The following SOBP variants were observed in gnomAD, a reference collection of about 807,000 sequenced individuals.
SOBP encodes sine oculis binding protein homolog.
SOBP carries 4 observed loss-of-function variants against 53.6 expected under a neutral mutation model. The observed-to-expected ratio is 0.07, with a 90% CI of 0.04 to 0.17. SOBP has a LOEUF of 0.17. Among genes scored for constraint, SOBP ranks in the 10% least tolerant of loss-of-function variants. SOBP has a pLI of 1.00. For synonymous variants in SOBP, 584 were observed against 522.6 expected (o/e 1.12, Z -1.60); for missense variants, 1,088 against 1,204.7 (o/e 0.90, Z 1.43).
rs115194587 is a variant in SOBP at position 107,590,190 on chromosome 6, G to A, written c.669+3015G>A. ...GAGCTCACTGTTTCTCCTCAGCCAC[G>A]ACTTTCTCAATTTTTGAAAGCCCAC... On this transcript the variant is annotated intron_variant, in intron 5 of 6. Coordinates refer to ENST00000317357, the MANE Select transcript of SOBP (RefSeq NM_018013.4). Among the ~76,000 whole-genome samples, 275 of 152,262 alleles carry A rather than the reference G, an allele frequency of 1.8e-3. 2 individuals are homozygous for A. Among genetic ancestry groups the A allele is most frequent in the African/African-American group, 6.1e-3 (252 of 41,540 alleles).
At chr6:107,650,419 G>A (rs1469894232) in intron 6 of SOBP, among the ~76,000 whole-genome samples, 1 of 152,200 alleles carries the variant, frequency 6.6e-6, no homozygotes, top group Non-Finnish European at 1.5e-5. Flanking sequence ...TGTACAAATG[G>A]AAGGTTTGTG....
At chr6:107,508,435 C>T (rs1485271241) in intron 3 of SOBP, among the ~76,000 whole-genome samples, 7 of 151,954 alleles carry the variant, frequency 4.6e-5, no homozygotes, top group East Asian at 1.9e-4. Flanking sequence ...AAAAATTAGC[C>T]AGGCGTGTTG....
intron 4 of SOBP, among the ~76,000 whole-genome samples, chr6:107,563,818 G>T (rs920333186): frequency 6.6e-6 from 1 of 152,152 alleles, no homozygotes; most frequent in African/African-American, 2.4e-5. Flanking sequence ...TGAATGTAGC[G>T]CTTCAAGAAA....
chr6:107,578,623 T>C (rs1785311201), intron 4 of SOBP, among the ~76,000 whole-genome samples: 1 of 152,230 alleles, frequency 6.6e-6, no homozygotes, highest in East Asian at 1.9e-4. Context: ...CCTTGATATA[T>C]GTATGAGTGT....
intron 4 of SOBP, among the ~76,000 whole-genome samples, chr6:107,570,917 T>C (rs920839207): frequency 1.3e-5 from 2 of 152,232 alleles, no homozygotes; most frequent in Non-Finnish European, 2.9e-5. Context: ...AAAATGCAAT[T>C]TTTGTGCTTA....
intron 5 of SOBP, among the ~76,000 whole-genome samples, chr6:107,597,062 A>G (rs1433279303): frequency 6.6e-6 from 1 of 152,058 alleles, no homozygotes; most frequent in Non-Finnish European, 1.5e-5. Flanking sequence ...CCTGATTTTG[A>G]TATTGGAGCA....
chr6:107,532,241 T>TCTCACACA (rs373567492), intron 3 of SOBP, among the ~76,000 whole-genome samples: 47,086 of 139,324 alleles, frequency 0.34, 9,761 homozygotes, highest in Middle Eastern at 0.51. Context: ...TCTCTCTCTC[T>TCTCACACA]CACACACACA....
intron 5 of SOBP, among the ~76,000 whole-genome samples, chr6:107,616,463 A>G (rs956009654): frequency 4.6e-5 from 7 of 152,370 alleles, no homozygotes; most frequent in Admixed American, 3.9e-4. Context: ...TGGGACTTTC[A>G]GTACATCTAG....
rs774801789 is a variant in SOBP at position 107,634,791 on chromosome 6, G to T, written c.1947G>T (p.Pro649=). The change falls in exon 6 of 7, where the codon CCG becomes CCT. Residue 649 remains proline, a synonymous_variant. Coordinates refer to ENST00000317357, the MANE Select transcript of SOBP (RefSeq NM_018013.4). This position sits in a 1 kb window ranked among gnomAD's most constrained non-coding sequence, Gnocchi z 4.5. ...GCTTCCCAGGCGTGCTGCAGGGCCCGCAGGACGGCGTCATCGACCTGACCG... is the reference window on the plus strand; with the variant it reads ...GCTTCCCAGGCGTGCTGCAGGGCCCTCAGGACGGCGTCATCGACCTGACCG... The part of the protein sequence containing the change: ...QLGFPGVLQG[P]QDGVIDLTVG... 42 of 1,397,592 alleles carry T rather than the reference G, an allele frequency of 3.0e-5. No individual in the cohort carries two copies. The highest frequency in any genetic ancestry group is 3.7e-5 in the Non-Finnish European group (40 of 1,073,538). The allele number at this position is 1,397,592 out of a possible 1,614,324, so 86.6% of individuals were successfully genotyped here.
At chr6:107,544,376 C>T (rs1304360372) in intron 4 of SOBP, among the ~76,000 whole-genome samples, 1 of 152,128 alleles carries the variant, frequency 6.6e-6, no homozygotes, top group African/African-American at 2.4e-5. Context: ...ATGGGAGTTG[C>T]CGTGGCCAAC....
At chr6:107,533,673 C>T (rs1159600470) in intron 4 of SOBP, 63 bp downstream of exon 4, 1 of 1,599,376 alleles carries the variant, frequency 6.3e-7, no homozygotes, top group Non-Finnish European at 8.6e-7. Context: ...GCGCATGTGC[C>T]TCATAGCTTC....
intron 4 of SOBP, among the ~76,000 whole-genome samples, chr6:107,545,632 T>G (rs895071211): frequency 2.0e-5 from 3 of 152,182 alleles, no homozygotes; most frequent in Admixed American, 2.0e-4. Context: ...GACATGGATA[T>G]TGCTAATGAG....
At chr6:107,615,855 T>TA (rs1013676283) in intron 5 of SOBP, among the ~76,000 whole-genome samples, 19 of 150,332 alleles carry the variant, frequency 1.3e-4, no homozygotes, top group African/African-American at 2.2e-4. Context: ...ACCTTGTCTC[T>TA]AAAAAAAAAT....
chr6:107,575,352 G>A (rs1030849568), intron 4 of SOBP, among the ~76,000 whole-genome samples: 8 of 152,064 alleles, frequency 5.3e-5, no homozygotes, highest in Admixed American at 2.0e-4. Flanking sequence ...CCTTTGTTCC[G>A]GATGACAGCT....
chr6:107,569,428 C>T (rs1294913062), intron 4 of SOBP, among the ~76,000 whole-genome samples: 1 of 152,198 alleles, frequency 6.6e-6, no homozygotes, highest in East Asian at 1.9e-4. Flanking sequence ...GAAGCCCATT[C>T]ATTGGACCTG....
chr6:107,618,846 C>T (rs1179624196), intron 5 of SOBP, among the ~76,000 whole-genome samples: 2 of 152,156 alleles, frequency 1.3e-5, no homozygotes, highest in African/African-American at 2.4e-5. Context: ...GACATCCTGT[C>T]GGGCTTGTGG....
intron 6 of SOBP, among the ~76,000 whole-genome samples, chr6:107,642,411 C>T (rs1343337785): frequency 1.2e-4 from 18 of 152,208 alleles, no homozygotes. Context: ...GAATTATTCT[C>T]TAATGCTTTA....
chr6:107,491,066 C>A (rs373543978), intron 1 of SOBP, among the ~76,000 whole-genome samples: 24 of 152,204 alleles, frequency 1.6e-4, no homozygotes, highest in African/African-American at 5.8e-4. Context: ...TTTTGAGAAT[C>A]ATCCTCAGGG....
chr6:107,568,745 T>C (rs1176961410), intron 4 of SOBP, among the ~76,000 whole-genome samples: 3 of 152,206 alleles, frequency 2.0e-5, no homozygotes, highest in East Asian at 3.8e-4. Context: ...AATCCTATAT[T>C]GTAATTCTTA....
Sources: allele counts gnomAD v4.1 joint callset (sites outside exome capture counted in the v4.1 genomes callset), GRCh38; gene constraint gnomAD v4.1.1; non-coding constraint Gnocchi (gnomAD v3.1); transcripts MANE v1.5; gene names NCBI Gene and HGNC (gene_info 2026-07-23, HGNC 2026-07-21).